POM121C: variants seen among roughly 807,000 people sequenced by gnomAD.
POM121C encodes the protein nuclear envelope pore membrane protein POM 121C.
A neutral mutation model predicts 66.4 loss-of-function variants in POM121C; 20 were observed. The ratio of observed to expected loss-of-function variants is 0.30; its 90% CI spans 0.21 to 0.44. The LOEUF is 0.44. POM121C is among the 20% of genes least tolerant of loss of function. POM121C has a pLI of 1.00. For missense variants in POM121C, 580 were observed against 1,225.7 expected, an observed-to-expected ratio of 0.47 and a Z score of 7.87; for synonymous variants, 286 against 528.0, an observed-to-expected ratio of 0.54 and a Z score of 6.28.
chr7:75,433,234 C>CAAAAAAAA (rs782004307), intron 7 of POM121C, among the ~76,000 whole-genome samples: 2 of 44,252 alleles, frequency 4.5e-5, no homozygotes, highest in African/African-American at 1.5e-4. Flanking sequence ...GACTCTGTCT[C>CAAAAAAAA]AAAAAAAAAA....
chr7:75,448,040 C>A (rs1178443394), intron 3 of POM121C, among the ~76,000 whole-genome samples: 49 of 136,482 alleles, frequency 3.6e-4, no homozygotes, highest in South Asian at 9.3e-4. Context: ...AAAAAAAAAA[C>A]CAACCAAACA....
chr7:75,446,950 G>C (rs1230567439), intron 3 of POM121C, among the ~76,000 whole-genome samples: 1 of 118,874 alleles, frequency 8.4e-6, no homozygotes, highest in Non-Finnish European at 1.6e-5. Flanking sequence ...GGAGCTTGCA[G>C]TTAGCCGATA....
chr7:75,454,568 G>A (rs1554476096), intron 3 of POM121C, among the ~76,000 whole-genome samples: 1 of 152,178 alleles, frequency 6.6e-6, no homozygotes, highest in Non-Finnish European at 1.5e-5. Flanking sequence ...GAGGACAATG[G>A]CAGCCAATCC....
chr7:75,479,544 A>C (rs1375935658), intron 1 of POM121C, among the ~76,000 whole-genome samples: 1 of 147,364 alleles, frequency 6.8e-6, no homozygotes, highest in Non-Finnish European at 1.5e-5. Context: ...TGAACCCAGG[A>C]GGCAGAGGTT....
Position 75,419,481 on chromosome 7 carries a change from G to A in POM121C, c.2744-39C>T, listed in dbSNP as rs587750094. 43 of 1,604,854 alleles carry A rather than the reference G, an allele frequency of 2.7e-5. No individual in the cohort carries two copies. In the African/African-American group the frequency reaches 3.9e-4, roughly 15 times the overall value. On this transcript the variant is annotated intron_variant, in intron 13 of 14. Coordinates refer to ENST00000615331, the MANE Select transcript of POM121C (RefSeq NM_001099415.3). The stretch of plus-strand genomic sequence containing the variant: ...AACAGAGAGCTAGCCAGTGAGCAGA[G>A]GGCGGAGGCAGGCGAGGAGCCGGGC...
rs1487900668 is a variant in POM121C at position 75,442,429 on chromosome 7, C to G, written c.-151-782G>C. On this transcript the variant is annotated intron_variant, in intron 3 of 14. Transcript: ENST00000615331. ...GGTTTCCGTTGGCTGTCGACTTGGC[C>G]GGAGGCGAAGCGAACAGTGTTCGCC... The G allele has an allele frequency of 2.8e-6, 4 of 1,431,558 alleles. No homozygotes were observed. In the African/African-American group the frequency reaches 6.0e-5, roughly 22 times the overall value. The allele number at this position is 1,431,558 out of a possible 1,614,324, so 88.7% of individuals were successfully genotyped here. A position where few individuals can be genotyped will look rare whatever the true frequency, so the allele number is the denominator to read the frequency against.
intron 3 of POM121C, among the ~76,000 whole-genome samples, chr7:75,461,266 A>C (rs1238261696): frequency 3.3e-5 from 5 of 152,136 alleles, no homozygotes; most frequent in African/African-American, 1.2e-4. Context: ...GGAAAAAAAC[A>C]GCAAAGAAAA....
intron 3 of POM121C, among the ~76,000 whole-genome samples, chr7:75,454,690 G>A (rs1554476114): frequency 6.6e-6 from 1 of 152,272 alleles, no homozygotes. Flanking sequence ...TCCAGATAAA[G>A]TAAAGGAAGA....
intron 14 of POM121C, 72 bp from the exon 15 acceptor site, chr7:75,418,965 T>C (rs1357654048): frequency 8.6e-6 from 13 of 1,506,036 alleles, no homozygotes; most frequent in Non-Finnish European, 9.7e-6. Context: ...CCCAAATCTC[T>C]GGAAGGCCAG....
intron 1 of POM121C, among the ~76,000 whole-genome samples, chr7:75,481,008 C>A (rs1554480033): frequency 6.7e-6 from 1 of 148,548 alleles, no homozygotes; most frequent in Non-Finnish European, 1.5e-5. Context: ...ACACGTTATA[C>A]CCACTCTCAA....
At chr7:75,485,670 C>A (rs1476482388) in intron 1 of POM121C, among the ~76,000 whole-genome samples, 194 bp downstream of exon 1, 1 of 152,186 alleles carries the variant, frequency 6.6e-6, no homozygotes. Context: ...CCCTCCACGC[C>A]TCCGTAAGCC....
At chr7:75,474,581 G>C in intron 3 of POM121C, 123 bp downstream of exon 3, 1 of 471,932 alleles carries the variant, frequency 2.1e-6, no homozygotes, top group Non-Finnish European at 4.0e-6. Context: ...GTGCGGGAAG[G>C]AAAGTGATAT....
intron 3 of POM121C, among the ~76,000 whole-genome samples, chr7:75,466,854 C>T (rs1554477921): frequency 1.3e-5 from 2 of 151,918 alleles, no homozygotes; most frequent in Admixed American, 6.6e-5. Flanking sequence ...TTAAATATTA[C>T]AAACAAATCT....
chr7:75,455,850 G>T (rs1265263075), intron 3 of POM121C, among the ~76,000 whole-genome samples: 1 of 152,132 alleles, frequency 6.6e-6, no homozygotes, highest in Non-Finnish European at 1.5e-5. Context: ...TTGAAGACAT[G>T]GGCTGTATCT....
rs782613049 is a variant in POM121C, at chr7:75,421,776, C to T, written c.2476G>A (p.Val826Met). ...QTASSGSSSS[V>M]FGSTTPSPFT... Reference sequence around the variant, plus strand: ...GGTGATGGTGTTGTGCTGCCAAACACCGAGCTGCTGCTCCCGCTGCTGGCG... The same window carrying T: ...GGTGATGGTGTTGTGCTGCCAAACATCGAGCTGCTGCTCCCGCTGCTGGCG... The change falls in exon 13 of 15, where the codon GTG becomes ATG. Residue 826 changes from valine to methionine, a missense_variant. Coordinates refer to ENST00000615331, the MANE Select transcript of POM121C (RefSeq NM_001099415.3). 7 of 1,607,804 alleles carry T rather than the reference C, an allele frequency of 4.4e-6. No individual in the cohort carries two copies. The South Asian group carries it at 7.7e-5, about 18-fold the overall frequency.
chr7:75,479,615 CTAAATAAATAAATAAATAAA>C (rs58439125), intron 1 of POM121C, among the ~76,000 whole-genome samples: 1 of 134,522 alleles, frequency 7.4e-6, no homozygotes, highest in Non-Finnish European at 1.6e-5. Context: ...GACTCTGTCT[CTAAATAAATAAATAAATAAA>C]TAAATAAATA....
Position 75,439,161 on chromosome 7 carries a change from G to C in POM121C, c.291C>G (p.Pro97=). 1 of 1,614,210 alleles carries C rather than the reference G, an allele frequency of 6.2e-7. No homozygotes were observed. Residue 97 remains proline, a synonymous_variant, in exon 6 of 15, where the codon CCC becomes CCG. Coordinates refer to ENST00000615331, the MANE Select transcript of POM121C (RefSeq NM_001099415.3). ...AFEPLVASGV[P]ASFVPKPGSL... is the part of the protein sequence containing the mutation. ...GCACTTACTTAGGCACAAAAGAAGC[G>C]GGGACTCCACTGGCCACCAGGGGCT...
intron 3 of POM121C, among the ~76,000 whole-genome samples, chr7:75,465,444 A>C (rs1213635124): frequency 1.3e-5 from 2 of 151,660 alleles, no homozygotes; most frequent in African/African-American, 4.8e-5. Context: ...ATCTCTACAA[A>C]AAAAAAAATA....
intron 3 of POM121C, among the ~76,000 whole-genome samples, chr7:75,474,181 G>A (rs2923704): frequency 2.0e-5 from 3 of 152,064 alleles, no homozygotes; most frequent in Admixed American, 6.6e-5. Flanking sequence ...ATCACTTGAG[G>A]CCAGGAGTTC....
Sources: allele counts gnomAD v4.1 joint callset (sites outside exome capture counted in the v4.1 genomes callset), GRCh38; gene constraint gnomAD v4.1.1; transcripts MANE v1.5; gene names NCBI Gene and HGNC (gene_info 2026-07-23, HGNC 2026-07-21).